Variants in PSMD7 observed in about 807,000 individuals in gnomAD.
PSMD7 encodes the protein proteasome 26S subunit, non-ATPase 7.
In PSMD7, 13 loss-of-function variants were observed where a neutral mutation model predicts 36.4. The observed-to-expected ratio is 0.36, with a 90% CI of 0.23 to 0.57. The LOEUF (loss-of-function observed/expected upper bound fraction) is 0.57, where lower values mean the gene tolerates loss of function less well. Ranked by LOEUF, PSMD7 falls within the 20% of genes least tolerant of loss-of-function variation. The probability of loss-of-function intolerance (pLI) is 0.83; values close to 1 mark genes in which losing one functional copy is unlikely to be tolerated. For synonymous variants in PSMD7, 186 were observed against 151.0 expected (o/e 1.23, Z -1.70); for missense variants, 298 against 393.6 (o/e 0.76, Z 2.06).
At chr16:74,298,799 G>C (rs1231753494) in intron 1 of PSMD7, among the ~76,000 whole-genome samples, 2 of 152,154 alleles carry the variant, frequency 1.3e-5, no homozygotes, top group African/African-American at 4.8e-5. Context: ...ACTTGAATCT[G>C]AGAGGTAGAG....
rs751176646 is a variant in PSMD7 at position 74,305,854 on chromosome 16, C to T, written c.*121C>T. The T allele has an allele frequency of 2.0e-5, 23 of 1,164,564 alleles. No homozygotes were observed. The highest frequency in any genetic ancestry group is 2.6e-5 in the Non-Finnish European group (23 of 888,888). The allele number at this position is 1,164,564 out of a possible 1,614,324, so 72.1% of individuals were successfully genotyped here. ...TTAGAAAGCTGACCCAACAAGAGCT[C>T]TCTGCCTCCGGTCACTCTTGCTGTG... is the stretch of plus-strand genomic sequence containing the variant. On this transcript the variant is annotated 3_prime_UTR_variant, in exon 7 of 7. Transcript: ENST00000219313.
At chr16:74,299,905 T>TA (rs1285641598) in intron 1 of PSMD7, among the ~76,000 whole-genome samples, 1 of 152,244 alleles carries the variant, frequency 6.6e-6, no homozygotes, top group African/African-American at 2.4e-5. Context: ...CAATGTTAGG[T>TA]AAAAACTGCC....
chr16:74,305,597 T>C lies in PSMD7; in HGVS notation c.839T>C (p.Ile280Thr), dbSNP rs1335459319. ...CTGCACAACCTCATCAACAACAAGA[T>C]TGCCAACCGGGATGCAGAGAAGAAA... Reference protein sequence around the residue: ...VALHNLINNKIANRDAEKKEG... With the variant: ...VALHNLINNKTANRDAEKKEG... The change falls in exon 7 of 7, where the codon ATT becomes ACT. Residue 280 changes from isoleucine (I) to threonine (T), a missense_variant. By Grantham distance (89) the Ile-to-Thr change is moderately conservative (BLOSUM62 -1). Coordinates refer to ENST00000219313, the MANE Select transcript of PSMD7 (RefSeq NM_002811.5). 2 of 1,599,518 alleles carry C rather than the reference T, an allele frequency of 1.3e-6. No individual in the cohort carries two copies. The highest frequency in any genetic ancestry group is 1.7e-5 in the Admixed American group (1 of 59,636).
Position 74,302,200 on chromosome 16 carries a change from T to A in PSMD7, c.358-12T>A, listed in dbSNP as rs1207264123. On this transcript the variant is annotated splice_polypyrimidine_tract_variant and intron_variant, in intron 4 of 6. Transcript: ENST00000219313. ...GCGTGAGATGACTTGCTAAGATGTG[T>A]TTCTCTGCCAGGTATTGGTCATCAT... The A allele has an allele frequency of 6.2e-7, 1 of 1,612,496 alleles. No individual in the cohort carries two copies. Among genetic ancestry groups the A allele is most frequent in the East Asian group, 2.2e-5 (1 of 44,878 alleles).
chr16:74,305,010 A>AT (rs921855280), intron 6 of PSMD7: 446 of 362,262 alleles, frequency 1.2e-3, no homozygotes, highest in South Asian at 1.5e-3. Flanking sequence ...GACCTAAGCA[A>AT]TTTTTTTTTC....
Position 74,305,642 on chromosome 16 carries a change from A to C in PSMD7, c.884A>C (p.Glu295Ala). Residue 295 changes from glutamate (E) to alanine (A), a missense_variant, in exon 7 of 7, where the codon GAG (glutamate) becomes GCG (alanine). Physicochemically the swap from Glu to Ala is moderately radical, Grantham distance 107. Coordinates refer to ENST00000219313, the MANE Select transcript of PSMD7 (RefSeq NM_002811.5). ...AAGAAAGAAGGGCAGGAGAAAGAAGAGAGCAAAAAGGATAGGAAAGAGGAC... is the reference window on the plus strand; with the variant it reads ...AAGAAAGAAGGGCAGGAGAAAGAAGCGAGCAAAAAGGATAGGAAAGAGGAC... The part of the protein sequence containing the change: ...AEKKEGQEKE[E>A]SKKDRKEDKE... 6.3e-7 allele frequency: 1 copy of C among 1,577,798 alleles called. No individual in the cohort carries two copies. Among genetic ancestry groups the C allele is most frequent in the East Asian group, 2.3e-5 (1 of 44,250 alleles).
rs746520556 is a variant in PSMD7 at position 74,305,719 on chromosome 16, AAGG to A, written c.964_966del (p.Glu322del). ...GAGTGATGTAAAGAAAGAGGAGAAA[AAGG>A]AGAAAAAGTAAAACATGTATTAAAT... On this transcript the variant is annotated inframe_deletion, in exon 7 of 7. Transcript: ENST00000219313. 63 of 1,428,682 alleles carry A rather than the reference AAGG, an allele frequency of 4.4e-5. No individual in the cohort carries two copies. The highest frequency in any genetic ancestry group is 5.1e-5 in the Non-Finnish European group (55 of 1,084,328). 88.5% of individuals were successfully genotyped at this position (1,428,682 alleles called of 1,614,324 possible).
rs2034192133 is a variant in PSMD7, at chr16:74,305,814, C to T, written c.*81C>T. On this transcript the variant is annotated 3_prime_UTR_variant, in exon 7 of 7. Coordinates refer to ENST00000219313, the MANE Select transcript of PSMD7 (RefSeq NM_002811.5). ...AGTGTGCTGCTAGAGGGTTCTTTTTCACTTGACATGCTTATTAGAAAGCTG... is the reference window on the plus strand; with the variant it reads ...AGTGTGCTGCTAGAGGGTTCTTTTTTACTTGACATGCTTATTAGAAAGCTG... The T allele has an allele frequency of 3.7e-6, 5 of 1,361,714 alleles. No homozygotes were observed. The African/African-American group carries it at 5.9e-5, about 16-fold the overall frequency. 84.4% of individuals were successfully genotyped at this position (1,361,714 alleles called of 1,614,324 possible).
At chr16:74,304,642 C>A in intron 6 of PSMD7, 1 of 368,862 alleles carries the variant, frequency 2.7e-6, no homozygotes, top group Non-Finnish European at 5.0e-6. Flanking sequence ...GATAGCATAC[C>A]TTGTCTGGAA....
Position 74,298,663 on chromosome 16 carries a change from G to A in PSMD7, c.75-1452G>A, listed in dbSNP as rs145100846. ...GGATTGCTTGAGCTTAGGAGTTCAA[G>A]ACCAGCCTGGGCCACATGGTGAAAC... On this transcript the variant is annotated intron_variant, in intron 1 of 6. Transcript: ENST00000219313. 9.6e-3 allele frequency among the ~76,000 whole-genome samples: 1,459 copies of A among 152,038 alleles called. 12 individuals carry two copies. Among genetic ancestry groups the A allele is most frequent in the Non-Finnish European group, 0.016 (1,078 of 67,972 alleles).
At chr16:74,302,793 G>A (rs1222316994) in intron 5 of PSMD7, among the ~76,000 whole-genome samples, 1 of 152,180 alleles carries the variant, frequency 6.6e-6, no homozygotes, top group African/African-American at 2.4e-5. Context: ...AAGTTTAAGG[G>A]ATGAATTACG....
intron 1 of PSMD7, among the ~76,000 whole-genome samples, chr16:74,297,246 C>T (rs2034120593): frequency 6.6e-6 from 1 of 152,228 alleles, no homozygotes; most frequent in African/African-American, 2.4e-5. Flanking sequence ...AGTTCCCTTT[C>T]CGAGTTCGTT....
At chr16:74,301,276 G>A (rs1597118661) in intron 3 of PSMD7, 132 bp downstream of exon 3, 1 of 668,326 alleles carries the variant, frequency 1.5e-6, no homozygotes. Flanking sequence ...GGTAGTAGAG[G>A]AATAAGGTAG....
Position 74,305,481 on chromosome 16 carries a change from C to T in PSMD7, c.723C>T (p.Ser241=), listed in dbSNP as rs2034188348. The part of the protein sequence containing the change: ...QDVFNLLPDV[S]LQEFVKAFYL... ...TCTTCAACCTGCTGCCAGATGTCAG[C>T]CTGCAGGAGTTCGTCAAGGCCTTTT... The change falls in exon 7 of 7, where the codon AGC becomes AGT. Residue 241 remains serine, a synonymous_variant. Transcript: ENST00000219313. The T allele has an allele frequency of 1.9e-6, 3 of 1,614,028 alleles. No homozygotes were observed. The highest frequency in any genetic ancestry group is 2.5e-6 in the Non-Finnish European group (3 of 1,180,024).
intron 1 of PSMD7, 43 bp downstream of exon 1, chr16:74,297,031 C>T (rs1567524354): frequency 6.3e-7 from 1 of 1,589,064 alleles, no homozygotes; most frequent in Admixed American, 1.8e-5. Context: ...GCAGCCGCTG[C>T]TGAGTCACGG....
intron 5 of PSMD7, among the ~76,000 whole-genome samples, chr16:74,303,783 G>A (rs989543343): frequency 1.3e-5 from 2 of 150,924 alleles, no homozygotes; most frequent in African/African-American, 4.9e-5. Context: ...GTGCAGTGGC[G>A]TGATCTCGAC....
intron 1 of PSMD7, among the ~76,000 whole-genome samples, chr16:74,297,442 C>A (rs1412619095): frequency 6.6e-6 from 1 of 151,880 alleles, no homozygotes; most frequent in African/African-American, 2.4e-5. Context: ...GCTCTGACCC[C>A]CGACCCCAGG....
At chr16:74,298,382 A>G (rs528132969) in intron 1 of PSMD7, among the ~76,000 whole-genome samples, 1 of 152,328 alleles carries the variant, frequency 6.6e-6, no homozygotes, top group East Asian at 1.9e-4. Context: ...AGCATCTGCT[A>G]TAAAGCCATT....
In PSMD7 at chr16:74,300,167, T is replaced by G; in HGVS notation, c.127T>G (p.Trp43Gly). The stretch of plus-strand genomic sequence containing the variant: ...TGTTGTTGGTGTGCTTTTGGGGTCA[T>G]GGCAAAAGAAAGTACTTGATGTATC... ...KRVVGVLLGS[W>G]QKKVLDVSNS... The change falls in exon 2 of 7, where the codon TGG (tryptophan) becomes GGG (glycine). Residue 43 changes from tryptophan (W) to glycine (G), a missense_variant. Trp to Gly is a radical substitution (Grantham distance 184). Coordinates refer to ENST00000219313, the MANE Select transcript of PSMD7 (RefSeq NM_002811.5). 4 of 1,614,226 alleles carry G rather than the reference T, an allele frequency of 2.5e-6. No homozygotes were observed. The highest frequency in any genetic ancestry group is 3.4e-6 in the Non-Finnish European group (4 of 1,180,042).
Sources: allele counts gnomAD v4.1 joint callset (sites outside exome capture counted in the v4.1 genomes callset), GRCh38; gene constraint gnomAD v4.1.1; transcripts MANE v1.5; gene names NCBI Gene and HGNC (gene_info 2026-07-23, HGNC 2026-07-21).